GRIN2B: variants seen among roughly 807,000 people sequenced by gnomAD.
GRIN2B encodes glutamate ionotropic receptor NMDA type subunit 2B.
In GRIN2B, 5 loss-of-function variants were observed where a neutral mutation model predicts 114.5. That is an observed-to-expected ratio of 0.04 (90% CI 0.02 to 0.09). The LOEUF is 0.09. GRIN2B is among the 10% of genes least tolerant of loss of function. The pLI, the probability that GRIN2B is intolerant of heterozygous loss-of-function variation, is 1.00. For missense variants in GRIN2B, 1,108 were observed against 1,943.5 expected (o/e 0.57, Z 8.08); for synonymous variants, 787 against 745.1 (o/e 1.06, Z -0.92).
chr12:13,857,305 A>T (rs1865677560), intron 3 of GRIN2B, among the ~76,000 whole-genome samples: 1 of 152,152 alleles, frequency 6.6e-6, no homozygotes, highest in African/African-American at 2.4e-5. Flanking sequence ...GGACACTAAC[A>T]CATATATTAC....
chr12:13,708,289 T>C (rs984512028), intron 4 of GRIN2B, among the ~76,000 whole-genome samples: 7 of 152,054 alleles, frequency 4.6e-5, no homozygotes, highest in African/African-American at 1.4e-4. Flanking sequence ...TAAAACAACT[T>C]TGTGGGAGTA....
chr12:13,613,669 C>T (rs763541123), intron 8 of GRIN2B, among the ~76,000 whole-genome samples: 8 of 152,104 alleles, frequency 5.3e-5, no homozygotes, highest in Admixed American at 1.3e-4. Flanking sequence ...AGCTAAGAGA[C>T]GGCTGGAAAA....
At chr12:13,668,823 G>A (rs1158651320) in intron 5 of GRIN2B, among the ~76,000 whole-genome samples, 2 of 151,568 alleles carry the variant, frequency 1.3e-5, no homozygotes, top group South Asian at 2.1e-4. Flanking sequence ...CCAGCCACCA[G>A]GAAAGCTATG....
intron 10 of GRIN2B, among the ~76,000 whole-genome samples, chr12:13,588,627 G>T (rs1000954379): frequency 6.6e-6 from 1 of 152,194 alleles, no homozygotes; most frequent in Non-Finnish European, 1.5e-5. Context: ...ACAGGAACAG[G>T]CTTTGTCAAA....
intron 4 of GRIN2B, among the ~76,000 whole-genome samples, chr12:13,718,019 C>G (rs1950472585): frequency 6.6e-6 from 1 of 152,054 alleles, no homozygotes; most frequent in Non-Finnish European, 1.5e-5. Context: ...CCTCCTTTGT[C>G]TCTTGGATCT....
At chr12:13,935,103 G>T (rs1181174164) in intron 2 of GRIN2B, among the ~76,000 whole-genome samples, 1 of 152,136 alleles carries the variant, frequency 6.6e-6, no homozygotes, top group East Asian at 1.9e-4. Flanking sequence ...AGGAACAATT[G>T]GTCCATAGAT....
chr12:13,927,774 T>G (rs1339836151), intron 2 of GRIN2B, among the ~76,000 whole-genome samples: 1 of 149,892 alleles, frequency 6.7e-6, no homozygotes, highest in African/African-American at 2.5e-5. Flanking sequence ...GGCTACATAA[T>G]GAGACCCCCA....
Position 13,587,660 on chromosome 12 carries a change from T to C in GRIN2B, c.2011-15696A>G, listed in dbSNP as rs534160317. On this transcript the variant is annotated intron_variant, in intron 10 of 13. Coordinates refer to ENST00000609686, the MANE Select transcript of GRIN2B (RefSeq NM_000834.5). ...ATGAGCCACCACACCCAGCTGAATT[T>C]TCAGAAGAACAACTTCGAGTTTATG... Among the ~76,000 whole-genome samples the C allele has an allele frequency of 9.2e-5, 14 of 152,312 alleles. No individual in the cohort carries two copies. The East Asian group carries it at 2.5e-3, about 27-fold the overall frequency.
intron 10 of GRIN2B, among the ~76,000 whole-genome samples, chr12:13,588,457 A>G (rs1190063246): frequency 6.6e-6 from 1 of 152,172 alleles, no homozygotes; most frequent in Admixed American, 6.5e-5. Context: ...GTAGGCATCA[A>G]ATTGGATTGG....
intron 3 of GRIN2B, among the ~76,000 whole-genome samples, chr12:13,822,620 C>G (rs1156688131): frequency 6.6e-6 from 1 of 152,052 alleles, no homozygotes; most frequent in African/African-American, 2.4e-5. Flanking sequence ...TCTGTTAAGT[C>G]TCATAAAACC....
intron 10 of GRIN2B, among the ~76,000 whole-genome samples, chr12:13,575,673 C>CAATAATAATAATAATAAT (rs58985272): frequency 0.033 from 4,926 of 147,636 alleles, 132 homozygotes; most frequent in African/African-American, 0.061. Context: ...ATGATAACAA[C>CAATAATAATAATAATAAT]AATAATAATA....
At chr12:13,974,949 GAA>G (rs1369961939) in intron 2 of GRIN2B, among the ~76,000 whole-genome samples, 2 of 152,126 alleles carry the variant, frequency 1.3e-5, no homozygotes, top group African/African-American at 2.4e-5. Context: ...AGAAAAAAAA[GAA>G]AGAGAGGAAT....
At position 13,563,701 on chromosome 12, in the gene GRIN2B, G is replaced by T. The variant is rs1191112268; in HGVS notation, c.3537C>A (p.Ile1179=). Residue 1179 remains isoleucine, a synonymous_variant, in exon 14 of 14, where the codon ATC becomes ATA. Transcript: ENST00000609686. The part of the protein sequence containing the change: ...GGGPCTNRSH[I]KHGTGDKHGV... Reference sequence around the variant, plus strand: ...CGTGTTTGTCGCCCGTCCCGTGCTTGATGTGAGACCTGTTGGTACAGGGCC... The same window carrying T: ...CGTGTTTGTCGCCCGTCCCGTGCTTTATGTGAGACCTGTTGGTACAGGGCC... 1.1e-5 allele frequency: 18 copies of T among 1,613,474 alleles called. No individual in the cohort carries two copies. The highest frequency in any genetic ancestry group is 1.4e-5 in the Non-Finnish European group (17 of 1,179,980).
intron 3 of GRIN2B, among the ~76,000 whole-genome samples, chr12:13,806,997 C>T (rs1006922336): frequency 5.3e-5 from 8 of 150,948 alleles, no homozygotes; most frequent in African/African-American, 1.7e-4. Context: ...AAGACTCCAT[C>T]TCAAAAAAAA....
intron 4 of GRIN2B, among the ~76,000 whole-genome samples, chr12:13,703,898 C>T (rs1021606543): frequency 2.0e-5 from 3 of 152,164 alleles, no homozygotes; most frequent in East Asian, 1.9e-4. Flanking sequence ...CAATGACATG[C>T]AGATTCAAAC....
At chr12:13,853,791 T>A (rs1461863595) in intron 3 of GRIN2B, among the ~76,000 whole-genome samples, 1 of 152,224 alleles carries the variant, frequency 6.6e-6, no homozygotes, top group Non-Finnish European at 1.5e-5. Flanking sequence ...GCCATTTTCA[T>A]TTGGGTTTAA....
intron 3 of GRIN2B, among the ~76,000 whole-genome samples, chr12:13,772,295 T>C (rs1015163472): frequency 2.0e-5 from 3 of 152,160 alleles, no homozygotes; most frequent in African/African-American, 7.2e-5. Context: ...AGGAAAACAA[T>C]CTCTTTCTTC....
At chr12:13,701,973 G>A (rs923628698) in intron 4 of GRIN2B, among the ~76,000 whole-genome samples, 2 of 152,188 alleles carry the variant, frequency 1.3e-5, no homozygotes, top group African/African-American at 4.8e-5. Flanking sequence ...ACACAAATCA[G>A]TATTTGTCAA....
In GRIN2B at chr12:13,616,638, T is replaced by C. The variant is rs1350444144; in HGVS notation, c.1145A>G (p.Lys382Arg). 9 of 1,613,830 alleles carry C rather than the reference T, an allele frequency of 5.6e-6. No individual in the cohort carries two copies. In the East Asian group the frequency reaches 1.8e-4, roughly 32 times the overall value. Residue 382 changes from lysine (K) to arginine (R), a missense_variant, in exon 6 of 14, where the codon AAG (lysine) becomes AGG (arginine). Physicochemically the swap from Lys to Arg is conservative, Grantham distance 26. Coordinates refer to ENST00000609686, the MANE Select transcript of GRIN2B (RefSeq NM_000834.5). ...KWERVGKWKD[K>R]SLQMKYYVWP... is the part of the protein sequence containing the mutation. ...CACATAGTACTTCATCTGCAGGGAC[T>C]TGTCTTTCCACTTCCCCACCTGCAC...
Sources: gnomAD v4.1 joint callset for allele counts (sites outside exome capture counted in the v4.1 genomes callset) on GRCh38, gnomAD v4.1.1 for gene constraint, MANE v1.5 for transcripts, NCBI Gene and HGNC (gene_info 2026-07-23, HGNC 2026-07-21) for gene names.